Variants in ZNF148 observed in about 807,000 individuals in gnomAD.
The protein encoded by ZNF148 is Beta-Enolase Repressor Factor-1.
ZNF148 carries 7 observed loss-of-function variants against 67.7 expected under a neutral mutation model. The ratio of observed to expected loss-of-function variants is 0.10; its 90% CI spans 0.06 to 0.19. The LOEUF (loss-of-function observed/expected upper bound fraction) is 0.19, where lower values mean the gene tolerates loss of function less well. Ranked by LOEUF, ZNF148 falls within the 10% of genes least tolerant of loss-of-function variation. ZNF148 has a pLI of 1.00. For synonymous variants in ZNF148, 333 were observed against 330.7 expected, an observed-to-expected ratio of 1.01 and a Z score of -0.08; for missense variants, 583 against 947.1, an observed-to-expected ratio of 0.62 and a Z score of 5.05.
chr3:125,342,154 C>T (rs553000291), intron 1 of ZNF148, among the ~76,000 whole-genome samples: 1 of 150,858 alleles, frequency 6.6e-6, no homozygotes, highest in South Asian at 2.1e-4. Context: ...CCAACATTCA[C>T]ACCATCAAAG....
intron 7 of ZNF148, among the ~76,000 whole-genome samples, chr3:125,254,564 ATCT>A (rs1483348384): frequency 6.6e-6 from 1 of 152,174 alleles, no homozygotes; most frequent in Non-Finnish European, 1.5e-5. Flanking sequence ...TTTTTGAAAA[ATCT>A]TCTAATGAAG....
At chr3:125,370,394 G>A (rs1331971806) in intron 1 of ZNF148, among the ~76,000 whole-genome samples, 1 of 152,124 alleles carries the variant, frequency 6.6e-6, no homozygotes, top group African/African-American at 2.4e-5. Context: ...CACTAACAGT[G>A]AACACTACTT....
intron 3 of ZNF148, among the ~76,000 whole-genome samples, chr3:125,313,865 C>T (rs553751638): frequency 6.6e-6 from 1 of 152,124 alleles, no homozygotes; most frequent in Admixed American, 6.5e-5. Flanking sequence ...CATATAAAGG[C>T]ATCAAATCCT....
rs1358703434 is a variant in ZNF148, at chr3:125,232,350, A to T, written c.2376T>A (p.Thr792=). ...TSSPDATTGQ[T]FG ...CACTTTTTTTTTTTTTTTAGCCAAA[A>T]GTCTGGCCAGTTGTGGCATCAGGTG... is the stretch of plus-strand genomic sequence containing the variant. Residue 792 remains threonine, a synonymous_variant, in exon 9 of 9, where the codon ACT becomes ACA. Transcript: ENST00000360647. The surrounding 1 kb of genome is among the most constrained non-coding windows in gnomAD (Gnocchi z 4.2). 14 of 1,587,378 alleles carry T rather than the reference A, an allele frequency of 8.8e-6. No homozygotes were observed. Among genetic ancestry groups the T allele is most frequent in the Non-Finnish European group, 1.2e-5 (14 of 1,165,740 alleles).
rs1938802700 is a variant in ZNF148 at position 125,288,137 on chromosome 3, T to C, written c.425A>G (p.Lys142Arg). 6.2e-7 allele frequency: 1 copy of C among 1,613,916 alleles called. No homozygotes were observed. The highest frequency in any genetic ancestry group is 8.5e-7 in the Non-Finnish European group (1 of 1,179,882). ...KQIREPVDLQ[K>R]KKKRKQRSPA... is the part of the protein sequence containing the mutation. ...AGAACGTTGTTTCCGCTTCTTCTTT[T>C]TCTGTAAGTCTACTGGCTCTCTGAT... Residue 142 changes from lysine to arginine, a missense_variant, in exon 5 of 9, where the codon AAA becomes AGA. Lys to Arg is a conservative substitution (Grantham distance 26, BLOSUM62 2). Coordinates refer to ENST00000360647, the MANE Select transcript of ZNF148 (RefSeq NM_021964.3).
intron 4 of ZNF148, among the ~76,000 whole-genome samples, chr3:125,302,272 G>C (rs1939633049): frequency 2.0e-5 from 3 of 151,184 alleles, no homozygotes; most frequent in South Asian, 4.2e-4. Context: ...CAGCAACTTT[G>C]GAGGCAACAG....
At chr3:125,299,482 T>C (rs764100512) in intron 4 of ZNF148, among the ~76,000 whole-genome samples, 1 of 152,180 alleles carries the variant, frequency 6.6e-6, no homozygotes, top group African/African-American at 2.4e-5. Context: ...CTGGGCAACC[T>C]AGCAAGTTTC....
At chr3:125,346,493 C>A (rs9814274) in intron 1 of ZNF148, among the ~76,000 whole-genome samples, 2,263 of 152,254 alleles carry the variant, frequency 0.015, 33 homozygotes, top group Non-Finnish European at 0.025. Flanking sequence ...GTTCTGTACC[C>A]CACCCAAATT....
intron 1 of ZNF148, among the ~76,000 whole-genome samples, chr3:125,355,405 G>A (rs1409296627): frequency 6.6e-6 from 1 of 152,192 alleles, no homozygotes; most frequent in Non-Finnish European, 1.5e-5. Flanking sequence ...CTAGATGCCA[G>A]TGGAACCCCC....
At position 125,226,765 on chromosome 3, in the gene ZNF148, C is replaced by G. The variant is rs1245255441; in HGVS notation, c.*5576G>C. 1 of 152,546 alleles carries G rather than the reference C, an allele frequency of 6.6e-6. No individual in the cohort carries two copies. The highest frequency in any genetic ancestry group is 1.5e-5 in the Non-Finnish European group (1 of 67,998). 9.4% of individuals were successfully genotyped at this position (152,546 alleles called of 1,614,324 possible). A position where few individuals can be genotyped will look rare whatever the true frequency, so the allele number is the denominator to read the frequency against. ...ACCTCCCAATTGTTTAAAAACAATT[C>G]TATTTGGAGAGCAAAATATTTTAAA... On this transcript the variant is annotated 3_prime_UTR_variant, in exon 9 of 9. Coordinates refer to ENST00000360647, the MANE Select transcript of ZNF148 (RefSeq NM_021964.3).
In ZNF148 at chr3:125,232,978, G is replaced by A. The variant is rs1335348926; in HGVS notation, c.1748C>T (p.Pro583Leu). 6.2e-7 allele frequency: 1 copy of A among 1,613,674 alleles called. No homozygotes were observed. Among genetic ancestry groups the A allele is most frequent in the Non-Finnish European group, 8.5e-7 (1 of 1,179,740 alleles). ...INSSEVPEVT[P>L]SENVGSSSQA... ...GGAGCTTGATCCAACATTCTCTGAC[G>A]GGGTGACCTCTGGTACTTCTGAAGA... Residue 583 changes from proline (P) to leucine (L), a missense_variant, in exon 9 of 9, where the codon CCG (proline) becomes CTG (leucine). Pro to Leu is a moderately conservative substitution (Grantham distance 98). Coordinates refer to ENST00000360647, the MANE Select transcript of ZNF148 (RefSeq NM_021964.3). The surrounding 1 kb of genome is among the most constrained non-coding windows in gnomAD (Gnocchi z 4.2).
chr3:125,247,839 C>T (rs746859211), intron 7 of ZNF148, among the ~76,000 whole-genome samples: 1 of 152,274 alleles, frequency 6.6e-6, no homozygotes, highest in South Asian at 2.1e-4. Flanking sequence ...GTAAGAGCAA[C>T]ATCCTCAGGA....
intron 1 of ZNF148, among the ~76,000 whole-genome samples, chr3:125,361,670 T>C (rs1039994863): frequency 5.3e-5 from 8 of 151,966 alleles, no homozygotes; most frequent in Non-Finnish European, 1.2e-4. Flanking sequence ...CTGTCTCCTT[T>C]AAAAATACAG....
rs779444200 is a variant in ZNF148 at position 125,279,279 on chromosome 3, G to T, written c.460-32C>A. 5.7e-6 allele frequency: 8 copies of T among 1,410,054 alleles called. No homozygotes were observed. The Admixed American group carries it at 1.7e-4, about 30-fold the overall frequency. 87.3% of individuals were successfully genotyped at this position (1,410,054 alleles called of 1,614,324 possible). A position where few individuals can be genotyped will look rare whatever the true frequency, so the allele number is the denominator to read the frequency against. ...CAAAAAAAAAAAGGCAAAAACAAAA[G>T]AAATAAGTTTTTAAAATGTAATTAA... is the stretch of plus-strand genomic sequence containing the variant. On this transcript the variant is annotated intron_variant, in intron 5 of 8. Transcript: ENST00000360647.
chr3:125,236,534 G>T (rs538308429), intron 7 of ZNF148, among the ~76,000 whole-genome samples: 5 of 152,228 alleles, frequency 3.3e-5, no homozygotes, highest in African/African-American at 9.6e-5. Flanking sequence ...AAAAATGTTG[G>T]GGGTGGGGAG....
intron 1 of ZNF148, among the ~76,000 whole-genome samples, chr3:125,372,284 A>G (rs970259064): frequency 6.6e-6 from 1 of 152,226 alleles, no homozygotes; most frequent in East Asian, 1.9e-4. Flanking sequence ...CAGGAAAGCC[A>G]TACCTAGGCT....
At chr3:125,310,073 ATTTT>A (rs3030721) in intron 4 of ZNF148, among the ~76,000 whole-genome samples, 47 of 137,394 alleles carry the variant, frequency 3.4e-4, no homozygotes, top group East Asian at 1.5e-3. Flanking sequence ...GGTTCAAAGA[ATTTT>A]TTTTTTTTTT....
chr3:125,371,872 G>T (rs899262105), intron 1 of ZNF148, among the ~76,000 whole-genome samples: 40 of 151,672 alleles, frequency 2.6e-4, no homozygotes, highest in Non-Finnish European at 4.7e-4. Flanking sequence ...AGATCATCCT[G>T]GCTAACACGG....
At position 125,227,334 on chromosome 3, in the gene ZNF148, T is replaced by C. The variant is rs901717651; in HGVS notation, c.*5007A>G. On this transcript the variant is annotated 3_prime_UTR_variant, in exon 9 of 9. Transcript: ENST00000360647. ...GTATAATCAGAATATCCTATTATCT[T>C]ACCAGTTTTAATGACAGGGTTTTTC... 30 of 152,736 alleles carry C rather than the reference T, an allele frequency of 2.0e-4. No homozygotes were observed. Among genetic ancestry groups the C allele is most frequent in the Non-Finnish European group, 3.4e-4 (23 of 68,014 alleles). The allele number at this position is 152,736 out of a possible 1,614,324, so 9.5% of individuals were successfully genotyped here. A position where few individuals can be genotyped will look rare whatever the true frequency, so the allele number is the denominator to read the frequency against.
Sources: gnomAD v4.1 joint callset for allele counts (sites outside exome capture counted in the v4.1 genomes callset) on GRCh38, gnomAD v4.1.1 for gene constraint, Gnocchi (gnomAD v3.1) non-coding constraint, MANE v1.5 for transcripts, NCBI Gene and HGNC (gene_info 2026-07-23, HGNC 2026-07-21) for gene names.